Variants in CLK4 observed in about 807,000 individuals in gnomAD.
CLK4 encodes CDC like kinase 4.
CLK4 carries 37 observed loss-of-function variants against 64.4 expected under a neutral mutation model. That is an observed-to-expected ratio of 0.57 (90% CI 0.44 to 0.76). CLK4 has a LOEUF of 0.76. Among genes scored for constraint, CLK4 ranks in the 30% least tolerant of loss-of-function variants. The pLI is 0.00. For synonymous variants in CLK4, 175 were observed against 191.6 expected (o/e 0.91, Z 0.72); for missense variants, 457 against 605.1 (o/e 0.76, Z 2.57).
At chr5:178,624,784 C>A (rs764168718) in intron 1 of CLK4, among the ~76,000 whole-genome samples, 1 of 152,112 alleles carries the variant, frequency 6.6e-6, no homozygotes, top group African/African-American at 2.4e-5. Flanking sequence ...CAAACAAATG[C>A]AAGCAGAAAT....
chr5:178,605,179 A>AT (rs1296683560), intron 11 of CLK4, 124 bp downstream of exon 11: 2 of 221,332 alleles, frequency 9.0e-6, no homozygotes, highest in Non-Finnish European at 1.7e-5. Context: ...TCCAGTACAG[A>AT]AAAAAAAAAA....
intron 2 of CLK4, among the ~76,000 whole-genome samples, chr5:178,619,169 A>C (rs892317482): frequency 6.6e-6 from 1 of 152,222 alleles, no homozygotes; most frequent in Admixed American, 6.5e-5. Context: ...AGAGCATTTT[A>C]GATATCCCTG....
At chr5:178,620,220 T>A in intron 2 of CLK4, 1 of 253,788 alleles carries the variant, frequency 3.9e-6, no homozygotes, top group South Asian at 4.6e-5. Context: ...CTAGGTCAGA[T>A]ATCTGATCAG....
intron 10 of CLK4, among the ~76,000 whole-genome samples, chr5:178,607,033 T>C (rs1481462657): frequency 1.3e-5 from 2 of 151,698 alleles, no homozygotes; most frequent in Admixed American, 1.3e-4. Context: ...GAAAGTAGAG[T>C]TTCCTACTTT....
chr5:178,603,670 T>C lies in CLK4; in HGVS notation c.1393A>G (p.Thr465Ala). The C allele has an allele frequency of 6.2e-7, 1 of 1,602,196 alleles. No homozygotes were observed. The highest frequency in any genetic ancestry group is 8.5e-7 in the Non-Finnish European group (1 of 1,176,568). The change falls in exon 13 of 13, where the codon ACC becomes GCC. Residue 465 changes from threonine to alanine, a missense_variant. Physicochemically the swap from Thr to Ala is moderately conservative, Grantham distance 58. Transcript: ENST00000316308. ...GGATGCTGCAATGCTTCATCCAAGG[T>C]AATTCTTTGAGTTGGATCATATTCT... ...MLEYDPTQRITLDEALQHPFF... is the reference protein window; with the variant it reads ...MLEYDPTQRIALDEALQHPFF...
chr5:178,626,175 G>A (rs1308951126), intron 1 of CLK4, among the ~76,000 whole-genome samples: 2 of 152,174 alleles, frequency 1.3e-5, no homozygotes, highest in Non-Finnish European at 2.9e-5. Context: ...GCCTGTAGGG[G>A]TGTGTAAAAA....
chr5:178,610,927 GC>G (rs1764548286), intron 9 of CLK4, among the ~76,000 whole-genome samples: 1 of 151,960 alleles, frequency 6.6e-6, no homozygotes, highest in African/African-American at 2.4e-5. Flanking sequence ...ATAAAAATTA[GC>G]CGGGTGTGGT....
chr5:178,605,244 G>T, intron 11 of CLK4, 59 bp downstream of exon 11: 2 of 1,018,498 alleles, frequency 2.0e-6, no homozygotes, highest in Non-Finnish European at 1.4e-6. Flanking sequence ...TGGGTTTTCT[G>T]TAGTTTGAAT....
At chr5:178,616,298 A>G (rs890359877) in intron 5 of CLK4, among the ~76,000 whole-genome samples, 1 of 152,250 alleles carries the variant, frequency 6.6e-6, no homozygotes, top group East Asian at 1.9e-4. Flanking sequence ...GTATTTCTCC[A>G]TGTTGGTCAG....
chr5:178,605,609 C>T (rs1295844841), intron 10 of CLK4, among the ~76,000 whole-genome samples: 2 of 152,186 alleles, frequency 1.3e-5, no homozygotes, highest in Non-Finnish European at 2.9e-5. Flanking sequence ...CTTACTACTC[C>T]CAGGCAACAG....
chr5:178,608,538 G>T (rs1292783888), intron 9 of CLK4, 80 bp from the exon 10 acceptor site: 2 of 1,015,574 alleles, frequency 2.0e-6, no homozygotes, highest in Admixed American at 4.7e-5. Context: ...CTATATGAGT[G>T]CTCCCTTTAC....
rs1764416447 is a variant in CLK4, at chr5:178,603,530, AC to A, written c.*86del. ...AACTGTACAAAATAATTTAATGTTT[AC>A]AAAAATATTAGAATGTTTAGTTGAC... On this transcript the variant is annotated 3_prime_UTR_variant, in exon 13 of 13. Transcript: ENST00000316308. 4.2e-6 allele frequency: 4 copies of A among 948,196 alleles called. No individual in the cohort carries two copies. The highest frequency in any genetic ancestry group is 5.9e-6 in the Non-Finnish European group (4 of 672,820). 58.7% of individuals were successfully genotyped at this position (948,196 alleles called of 1,614,324 possible).
At chr5:178,619,438 T>C (rs1764674108) in intron 2 of CLK4, among the ~76,000 whole-genome samples, 1 of 152,192 alleles carries the variant, frequency 6.6e-6, no homozygotes, top group South Asian at 2.1e-4. Context: ...GTTTGAGAAA[T>C]AGAAAACATA....
chr5:178,620,476 G>T, intron 2 of CLK4: 1 of 322,996 alleles, frequency 3.1e-6, no homozygotes, highest in Non-Finnish European at 6.3e-6. Flanking sequence ...AATAGATAAT[G>T]GCCAATGACC....
At position 178,608,477 on chromosome 5, in the gene CLK4, A is replaced by C; in HGVS notation, c.1052-19T>G. ...CCTAAAGCTATTTTAAAACAAATAG[A>C]AACATTTTACTATGCAAAAACTTTT... On this transcript the variant is annotated intron_variant, in intron 9 of 12. Coordinates refer to ENST00000316308, the MANE Select transcript of CLK4 (RefSeq NM_020666.3). 1 of 1,584,712 alleles carries C rather than the reference A, an allele frequency of 6.3e-7. No individual in the cohort carries two copies. Among genetic ancestry groups the C allele is most frequent in the Non-Finnish European group, 8.6e-7 (1 of 1,163,784 alleles).
chr5:178,620,080 T>C (rs1483761526), intron 2 of CLK4: 1 of 331,540 alleles, frequency 3.0e-6, no homozygotes, highest in Non-Finnish European at 6.2e-6. Context: ...TTACAACTAC[T>C]ACCCAATAGG....
intron 1 of CLK4, among the ~76,000 whole-genome samples, chr5:178,623,765 G>C (rs535940437): frequency 9.9e-5 from 15 of 152,034 alleles, no homozygotes; most frequent in Middle Eastern, 3.4e-3. Context: ...AAATAAAAAG[G>C]TTCAGGCCTA....
chr5:178,620,976 T>C (rs1488154529), intron 2 of CLK4, among the ~76,000 whole-genome samples: 1 of 152,204 alleles, frequency 6.6e-6, no homozygotes, highest in Non-Finnish European at 1.5e-5. Context: ...TAAATTCATA[T>C]GGCACTTTTA....
chr5:178,609,721 A>T (rs911227714), intron 9 of CLK4, among the ~76,000 whole-genome samples: 2 of 129,096 alleles, frequency 1.5e-5, no homozygotes, highest in African/African-American at 6.2e-5. Flanking sequence ...ATAAAAAATA[A>T]TAAAAATTTT....
Sources: allele counts gnomAD v4.1 joint callset (sites outside exome capture counted in the v4.1 genomes callset), GRCh38; gene constraint gnomAD v4.1.1; transcripts MANE v1.5; gene names NCBI Gene and HGNC (gene_info 2026-07-23, HGNC 2026-07-21).